ATRNL1: variants seen among roughly 807,000 people sequenced by gnomAD.
ATRNL1 encodes attractin like 1, also known as attractin-like protein 1.
ATRNL1 carries 95 observed loss-of-function variants against 182.7 expected under a neutral mutation model. The observed-to-expected ratio is 0.52, with a 90% CI of 0.44 to 0.62. The LOEUF is 0.62. ATRNL1 is among the 20% of genes least tolerant of loss of function. The pLI is 0.00. For missense variants in ATRNL1, 1,471 were observed against 1,679.5 expected (o/e 0.88, Z 2.17); for synonymous variants, 576 against 568.3 (o/e 1.01, Z -0.19).
At chr10:115,621,276 T>TACATATATAG (rs1268020830) in intron 26 of ATRNL1, among the ~76,000 whole-genome samples, 1 of 47,594 alleles carries the variant, frequency 2.1e-5, no homozygotes, top group Non-Finnish European at 4.2e-5. Flanking sequence ...TATATATATA[T>TACATATATAG]AGAGAGAGAG....
intron 27 of ATRNL1, among the ~76,000 whole-genome samples, chr10:115,817,498 A>G (rs1341092596): frequency 2.0e-5 from 3 of 152,108 alleles, no homozygotes; most frequent in African/African-American, 7.2e-5. Context: ...TTTATCTGAA[A>G]GTCATTTACA....
At chr10:115,297,890 A>C (rs947168613) in intron 15 of ATRNL1, among the ~76,000 whole-genome samples, 5 of 152,172 alleles carry the variant, frequency 3.3e-5, no homozygotes, top group Admixed American at 6.5e-5. Flanking sequence ...TTGTTATGTT[A>C]GTGTTCACTT....
At chr10:115,919,892 A>T (rs782517704) in intron 28 of ATRNL1, among the ~76,000 whole-genome samples, 1 of 152,144 alleles carries the variant, frequency 6.6e-6, no homozygotes, top group Non-Finnish European at 1.5e-5. Context: ...TTATAAGGGC[A>T]CAAATCCTAT....
intron 28 of ATRNL1, among the ~76,000 whole-genome samples, chr10:115,940,268 TGAG>T (rs1953687507): frequency 1.3e-5 from 2 of 152,252 alleles, no homozygotes; most frequent in Admixed American, 1.3e-4. Flanking sequence ...TGGCTGGAAG[TGAG>T]GACATAAATT....
chr10:115,869,929 T>G (rs1951537398), intron 28 of ATRNL1, among the ~76,000 whole-genome samples: 1 of 150,552 alleles, frequency 6.6e-6, no homozygotes, highest in Non-Finnish European at 1.5e-5. Flanking sequence ...TCCTAATTAT[T>G]CTCCTCTTCT....
Position 115,634,002 on chromosome 10 carries a change from AG to A in ATRNL1, c.3795+84469del, listed in dbSNP as rs1482859071. Among the ~76,000 whole-genome samples, 11 of 152,182 alleles carry A rather than the reference AG, an allele frequency of 7.2e-5. No individual in the cohort carries two copies. In the East Asian group the frequency reaches 2.1e-3, roughly 29 times the overall value. ...TTGCCAGTACTATCACAGGGAAAAG[AG>A]GGTTCTTGGGTCTGAGAATTTTGAA... On this transcript the variant is annotated intron_variant, in intron 26 of 28. Coordinates refer to ENST00000355044, the MANE Select transcript of ATRNL1 (RefSeq NM_207303.4).
At chr10:115,175,725 A>G (rs1847477021) in intron 8 of ATRNL1, among the ~76,000 whole-genome samples, 2 of 152,186 alleles carry the variant, frequency 1.3e-5, no homozygotes, top group South Asian at 4.1e-4. Context: ...AGAAAAATTA[A>G]TATCTTACTT....
chr10:115,600,676 A>G (rs782590346), intron 26 of ATRNL1, among the ~76,000 whole-genome samples: 2 of 152,064 alleles, frequency 1.3e-5, no homozygotes, highest in Non-Finnish European at 2.9e-5. Context: ...CCCCAGGTCT[A>G]TAAGCTTGCT....
chr10:115,670,780 C>T (rs1303078161), intron 26 of ATRNL1, among the ~76,000 whole-genome samples: 3 of 152,114 alleles, frequency 2.0e-5, no homozygotes, highest in Non-Finnish European at 2.9e-5. Flanking sequence ...AGGTATGGAA[C>T]ACCTGAGTTC....
chr10:115,898,804 G>A (rs914198890), intron 28 of ATRNL1, among the ~76,000 whole-genome samples: 3 of 152,138 alleles, frequency 2.0e-5, no homozygotes, highest in Non-Finnish European at 4.4e-5. Flanking sequence ...TTGTAGCAAA[G>A]CTGACTAATT....
intron 28 of ATRNL1, among the ~76,000 whole-genome samples, chr10:115,872,056 C>T (rs1344397158): frequency 6.6e-6 from 1 of 152,112 alleles, no homozygotes; most frequent in Non-Finnish European, 1.5e-5. Flanking sequence ...ATCTAAGAAG[C>T]CATTAAAGAC....
intron 19 of ATRNL1, among the ~76,000 whole-genome samples, chr10:115,357,405 C>G (rs1554943125): frequency 1.3e-5 from 2 of 151,838 alleles, no homozygotes; most frequent in Non-Finnish European, 3.0e-5. Flanking sequence ...CACACTTTTG[C>G]ATTGCTCAAA....
At chr10:115,749,900 G>T (rs192751753) in intron 27 of ATRNL1, among the ~76,000 whole-genome samples, 3 of 152,016 alleles carry the variant, frequency 2.0e-5, no homozygotes, top group African/African-American at 7.2e-5. Context: ...CATTTGTAAA[G>T]TCGAAGTAAG....
At chr10:115,778,339 CTG>C (rs1191628403) in intron 27 of ATRNL1, among the ~76,000 whole-genome samples, 3 of 151,702 alleles carry the variant, frequency 2.0e-5, no homozygotes, top group Non-Finnish European at 4.4e-5. Context: ...GGAAAAAAAA[CTG>C]TAATATAGAA....
chr10:115,465,403 A>G (rs998447907), intron 22 of ATRNL1, among the ~76,000 whole-genome samples: 1 of 151,848 alleles, frequency 6.6e-6, no homozygotes, highest in Middle Eastern at 3.4e-3. Flanking sequence ...GCATGCTGAC[A>G]TAAAAGTATT....
intron 28 of ATRNL1, among the ~76,000 whole-genome samples, chr10:115,890,195 G>A (rs1555110816): frequency 6.6e-6 from 1 of 152,176 alleles, no homozygotes; most frequent in Non-Finnish European, 1.5e-5. Context: ...CTTATACCCA[G>A]CTCACTGTGG....
At chr10:115,250,526 A>C (rs782369138) in intron 10 of ATRNL1, among the ~76,000 whole-genome samples, 2 of 152,100 alleles carry the variant, frequency 1.3e-5, no homozygotes, top group Non-Finnish European at 2.9e-5. Flanking sequence ...GCTATTTCCT[A>C]CCCTGGCTGG....
intron 26 of ATRNL1, among the ~76,000 whole-genome samples, chr10:115,596,114 C>CT (rs1196139276): frequency 6.6e-6 from 1 of 151,740 alleles, no homozygotes; most frequent in African/African-American, 2.4e-5. Context: ...TGTCATTATT[C>CT]TTTTTTTTGA....
At chr10:115,667,050 AT>A (rs1555039874) in intron 26 of ATRNL1, among the ~76,000 whole-genome samples, 1 of 152,102 alleles carries the variant, frequency 6.6e-6, no homozygotes, top group Non-Finnish European at 1.5e-5. Flanking sequence ...GAATATGTAC[AT>A]TTTGGTAGTG....
Sources: gnomAD v4.1 joint callset for allele counts (sites outside exome capture counted in the v4.1 genomes callset) on GRCh38, gnomAD v4.1.1 for gene constraint, MANE v1.5 for transcripts, NCBI Gene and HGNC (gene_info 2026-07-23, HGNC 2026-07-21) for gene names.